BABAM2: variants seen among roughly 807,000 people sequenced by gnomAD.
The protein encoded by BABAM2 is BRISC and BRCA1 A complex member 2, also known as BRISC and BRCA1-A complex member 2.
In BABAM2, 31 loss-of-function variants were observed where a neutral mutation model predicts 54.7. The ratio of observed to expected loss-of-function variants is 0.57; its 90% CI spans 0.43 to 0.77. The LOEUF is 0.77. Ranked by LOEUF, BABAM2 falls within the 30% of genes least tolerant of loss-of-function variation. The pLI is 0.00. For synonymous variants in BABAM2, 167 were observed against 162.9 expected (o/e 1.03, Z -0.19); for missense variants, 364 against 455.8 (o/e 0.80, Z 1.83).
chr2:28,097,383 G>T (rs994044189), intron 6 of BABAM2, among the ~76,000 whole-genome samples: 1 of 152,064 alleles, frequency 6.6e-6, no homozygotes, highest in African/African-American at 2.4e-5. Context: ...TGGCCTAATT[G>T]CATTTTTATC....
At chr2:28,035,784 T>C (rs1676618629) in intron 5 of BABAM2, among the ~76,000 whole-genome samples, 1 of 152,178 alleles carries the variant, frequency 6.6e-6, no homozygotes, top group African/African-American at 2.4e-5. Context: ...AAAAGTAGTG[T>C]GTGGATACCT....
intron 2 of BABAM2, among the ~76,000 whole-genome samples, chr2:27,915,447 A>G (rs1348724531): frequency 6.6e-6 from 1 of 152,218 alleles, no homozygotes; most frequent in Non-Finnish European, 1.5e-5. Flanking sequence ...AAATGAGAAC[A>G]CTGAAGACGA....
chr2:28,174,143 A>C (rs1363581192), intron 7 of BABAM2, among the ~76,000 whole-genome samples: 1 of 152,210 alleles, frequency 6.6e-6, no homozygotes, highest in Non-Finnish European at 1.5e-5. Flanking sequence ...ATTTCTCTGA[A>C]TAGTTTTAAT....
intron 6 of BABAM2, among the ~76,000 whole-genome samples, chr2:28,076,550 C>T (rs1244091052): frequency 6.6e-6 from 1 of 151,968 alleles, no homozygotes; most frequent in Admixed American, 6.6e-5. Context: ...GGCTGGAGTG[C>T]AGTGGTGCGG....
At chr2:27,931,814 T>C (rs935854633) in intron 3 of BABAM2, among the ~76,000 whole-genome samples, 1 of 152,218 alleles carries the variant, frequency 6.6e-6, no homozygotes, top group Non-Finnish European at 1.5e-5. Context: ...CTTTTGCCTC[T>C]GCATTTTATG....
At chr2:27,969,846 C>T (rs1226915413) in intron 3 of BABAM2, among the ~76,000 whole-genome samples, 2 of 152,076 alleles carry the variant, frequency 1.3e-5, no homozygotes, top group Admixed American at 1.3e-4. Flanking sequence ...TATGGTTGCC[C>T]CCTACAGCAA....
chr2:28,111,646 G>C (rs1183930754), intron 6 of BABAM2, among the ~76,000 whole-genome samples: 2 of 150,576 alleles, frequency 1.3e-5, no homozygotes, highest in Admixed American at 1.3e-4. Context: ...ATACTTCAGT[G>C]TGTTGCTTTT....
At chr2:27,895,414 G>A (rs1665211454) in intron 2 of BABAM2, among the ~76,000 whole-genome samples, 1 of 152,130 alleles carries the variant, frequency 6.6e-6, no homozygotes, top group Non-Finnish European at 1.5e-5. Flanking sequence ...TTTGTAAAAT[G>A]TGCATCCACA....
intron 10 of BABAM2, among the ~76,000 whole-genome samples, chr2:28,260,027 A>G (rs1375612676): frequency 2.6e-5 from 4 of 151,972 alleles, no homozygotes; most frequent in East Asian, 1.9e-4. Flanking sequence ...CAGCCTCTCA[A>G]GTAGCTGGGA....
intron 3 of BABAM2, among the ~76,000 whole-genome samples, chr2:27,931,208 C>T (rs76945021): frequency 0.018 from 2,788 of 152,074 alleles, 30 homozygotes; most frequent in Middle Eastern, 0.075. Flanking sequence ...AGGACAGATT[C>T]GACTACTTTT....
chr2:28,215,609 A>G (rs1484112401), intron 7 of BABAM2, among the ~76,000 whole-genome samples: 1 of 152,142 alleles, frequency 6.6e-6, no homozygotes, highest in Non-Finnish European at 1.5e-5. Flanking sequence ...TCTTGCATCC[A>G]TCCAAGACCA....
At chr2:28,209,453 T>G (rs1281629399) in intron 7 of BABAM2, among the ~76,000 whole-genome samples, 1 of 151,292 alleles carries the variant, frequency 6.6e-6, no homozygotes, top group Non-Finnish European at 1.5e-5. Flanking sequence ...GTGGAAGGTG[T>G]GGCCTGAGGA....
chr2:28,300,156 CTCGGACTCCTGACCTCAGGTG>C (rs767133262), intron 11 of BABAM2, among the ~76,000 whole-genome samples: 3 of 152,132 alleles, frequency 2.0e-5, no homozygotes, highest in Non-Finnish European at 4.4e-5. Context: ...CCAGGCTGGT[CTCGGACTCCTGACCTCAGGTG>C]ATCCGCCCAC....
At chr2:28,004,775 G>T (rs962442520) in intron 4 of BABAM2, among the ~76,000 whole-genome samples, 2 of 151,364 alleles carry the variant, frequency 1.3e-5, no homozygotes, top group Non-Finnish European at 2.9e-5. Context: ...CTGCTGCCTC[G>T]ACTTCCTGGG....
intron 7 of BABAM2, among the ~76,000 whole-genome samples, chr2:28,167,621 G>A (rs1673832233): frequency 6.6e-6 from 1 of 151,566 alleles, no homozygotes; most frequent in Non-Finnish European, 1.5e-5. Context: ...TTGAACCCGG[G>A]AGGCAGAAGT....
chr2:28,208,531 A>G (rs992853283), intron 7 of BABAM2, among the ~76,000 whole-genome samples: 2 of 152,086 alleles, frequency 1.3e-5, no homozygotes, highest in Non-Finnish European at 2.9e-5. Context: ...CTCTAGGCAA[A>G]TTCTTCCTTT....
At chr2:27,988,343 T>G (rs1217330884) in intron 4 of BABAM2, among the ~76,000 whole-genome samples, 4 of 152,214 alleles carry the variant, frequency 2.6e-5, no homozygotes, top group African/African-American at 9.6e-5. Context: ...ATATTTTTAC[T>G]TCAGTTTAAA....
In BABAM2 at chr2:27,988,057, T is replaced by C; in HGVS notation, c.270T>C (p.Ala90=). The C allele has an allele frequency of 6.2e-7, 1 of 1,613,722 alleles. No individual in the cohort carries two copies. The highest frequency in any genetic ancestry group is 8.5e-7 in the Non-Finnish European group (1 of 1,179,670). The change falls in exon 4 of 12, where the codon GCT becomes GCC. Residue 90 remains alanine (A), a synonymous_variant. Transcript: ENST00000379624. ...CCGATTTTATCTTTGGAGAAGATGCTGAATTCCTGCCAGACCCCTCAGCTT... is the reference window on the plus strand; with the variant it reads ...CCGATTTTATCTTTGGAGAAGATGCCGAATTCCTGCCAGACCCCTCAGCTT... The part of the protein sequence containing the change: ...LPPDFIFGED[A]EFLPDPSALQ...
intron 4 of BABAM2, among the ~76,000 whole-genome samples, chr2:28,005,837 A>G (rs1301808771): frequency 1.3e-5 from 2 of 152,150 alleles, no homozygotes; most frequent in African/African-American, 2.4e-5. Flanking sequence ...CTATTCACTT[A>G]CTGCCTAGTA....
Sources: allele counts gnomAD v4.1 joint callset (sites outside exome capture counted in the v4.1 genomes callset), GRCh38; gene constraint gnomAD v4.1.1; transcripts MANE v1.5; gene names NCBI Gene and HGNC (gene_info 2026-07-23, HGNC 2026-07-21).